CYP2C19: variants seen among roughly 807,000 people sequenced by gnomAD.
CYP2C19 encodes the protein cytochrome P450 2C19.
In CYP2C19, 59 loss-of-function variants were observed where a neutral mutation model predicts 40.9. The ratio of observed to expected loss-of-function variants is 1.44; its 90% CI spans 1.17 to 1.79. The LOEUF is 1.79. Ranked by LOEUF, CYP2C19 falls within the 40% of genes most tolerant of loss-of-function variation. The probability of loss-of-function intolerance (pLI) is 0.00; values close to 1 mark genes in which losing one functional copy is unlikely to be tolerated. For missense variants in CYP2C19, 754 were observed against 596.9 expected (o/e 1.26, Z -2.74); for synonymous variants, 253 against 208.7 (o/e 1.21, Z -1.83).
intron 5 of CYP2C19, among the ~76,000 whole-genome samples, chr10:94,812,095 G>T (rs994862660): frequency 6.6e-6 from 1 of 152,258 alleles, no homozygotes; most frequent in East Asian, 1.9e-4. Context: ...CTCAGCATTT[G>T]CTTGTCTGTA....
At position 94,764,676 on chromosome 10, in the gene CYP2C19, G is replaced by T. The variant is rs191918906; in HGVS notation, c.168+1803G>T. On this transcript the variant is annotated intron_variant, in intron 1 of 8. Coordinates refer to ENST00000371321, the MANE Select transcript of CYP2C19 (RefSeq NM_000769.4). ...TTTAGGCCAGTGAAAGGGCCAGTGG[G>T]TCAGTCCAGGTGTCCTTGGAAGGAG... Among the ~76,000 whole-genome samples, 472 of 152,238 alleles carry T rather than the reference G, an allele frequency of 3.1e-3. 2 individuals are homozygous for T. Among genetic ancestry groups the T allele is most frequent in the South Asian group, 0.012 (60 of 4,830 alleles).
intron 7 of CYP2C19, among the ~76,000 whole-genome samples, chr10:94,844,572 T>C (rs938179465): frequency 3.9e-5 from 6 of 152,222 alleles, no homozygotes; most frequent in Non-Finnish European, 7.3e-5. Context: ...AAATTAAAAA[T>C]AATATAACCT....
chr10:94,810,288 T>C (rs1360396009), intron 5 of CYP2C19, among the ~76,000 whole-genome samples: 5 of 152,196 alleles, frequency 3.3e-5, no homozygotes, highest in Admixed American at 2.6e-4. Context: ...AGTTTGCCAG[T>C]ATTTTGTTGA....
chr10:94,805,724 C>A (rs1236660758), intron 5 of CYP2C19, among the ~76,000 whole-genome samples: 2 of 152,084 alleles, frequency 1.3e-5, no homozygotes, highest in Non-Finnish European at 2.9e-5. Flanking sequence ...TCTCTACCAA[C>A]AAAGCAGTCA....
chr10:94,767,099 A>G (rs1317958879), intron 1 of CYP2C19, among the ~76,000 whole-genome samples: 1 of 152,178 alleles, frequency 6.6e-6, no homozygotes, highest in African/African-American at 2.4e-5. Context: ...AAGGCCATCC[A>G]TACAGCATTT....
intron 5 of CYP2C19, among the ~76,000 whole-genome samples, chr10:94,815,229 G>C (rs1416693986): frequency 6.6e-6 from 1 of 151,856 alleles, no homozygotes; most frequent in Admixed American, 6.6e-5. Context: ...AAAACTGTGT[G>C]AAGCTGATGT....
intron 1 of CYP2C19, chr10:94,774,512 C>G (rs757160135): frequency 6.3e-6 from 1 of 158,758 alleles, no homozygotes; most frequent in African/African-American, 2.4e-5. Flanking sequence ...CAATCGGGAC[C>G]TCTACATGGG....
rs139893634 is a variant in CYP2C19 at position 94,796,894 on chromosome 10, G to C, written c.819+14897G>C. On this transcript the variant is annotated intron_variant, in intron 5 of 8. Transcript: ENST00000371321. The stretch of plus-strand genomic sequence containing the variant: ...TATCAGCTTAAGGAGATTTTGGGCT[G>C]TGACAATGTGGTTTTCTAGTTACAC... Among the ~76,000 whole-genome samples the C allele has an allele frequency of 3.1e-3, 473 of 152,268 alleles. 3 individuals are homozygous for C. Among genetic ancestry groups the C allele is most frequent in the African/African-American group, 0.011 (450 of 41,566 alleles).
At chr10:94,826,286 A>G (rs992149260) in intron 6 of CYP2C19, among the ~76,000 whole-genome samples, 1 of 152,126 alleles carries the variant, frequency 6.6e-6, no homozygotes, top group Non-Finnish European at 1.5e-5. Context: ...CTTCCGACCC[A>G]TGAGCATGGA....
At chr10:94,824,703 T>G (rs1030488127) in intron 6 of CYP2C19, among the ~76,000 whole-genome samples, 1 of 152,164 alleles carries the variant, frequency 6.6e-6, no homozygotes, top group East Asian at 1.9e-4. Flanking sequence ...ATGTGCACAT[T>G]GTGCAGGTTA....
chr10:94,800,265 A>G (rs776551658), intron 5 of CYP2C19, among the ~76,000 whole-genome samples: 1 of 152,190 alleles, frequency 6.6e-6, no homozygotes, highest in Admixed American at 6.5e-5. Flanking sequence ...CATGTCCCTC[A>G]GCTGCAGGTC....
intron 1 of CYP2C19, 85 bp from the exon 2 acceptor site, chr10:94,774,973 A>G: frequency 7.1e-7 from 1 of 1,406,642 alleles, no homozygotes; most frequent in Admixed American, 1.9e-5. Context: ...GCATACAAAT[A>G]CAATGAAAAT....
intron 5 of CYP2C19, among the ~76,000 whole-genome samples, chr10:94,808,345 C>A (rs968744838): frequency 6.6e-6 from 1 of 151,988 alleles, no homozygotes; most frequent in Non-Finnish European, 1.5e-5. Flanking sequence ...TACATGAGAT[C>A]TTTTGATATA....
chr10:94,780,444 A>C, intron 3 of CYP2C19, 55 bp from the exon 4 acceptor site: 1 of 1,593,524 alleles, frequency 6.3e-7, no homozygotes, highest in East Asian at 2.2e-5. Context: ...AACAAATATG[A>C]AGTGTTTTAT....
chr10:94,827,455 T>C (rs1270824301), intron 6 of CYP2C19, among the ~76,000 whole-genome samples: 2 of 151,934 alleles, frequency 1.3e-5, no homozygotes. Flanking sequence ...TGCATAGAGG[T>C]GTTTGTAGTA....
intron 5 of CYP2C19, among the ~76,000 whole-genome samples, chr10:94,797,711 A>G (rs1564668253): frequency 6.6e-6 from 1 of 152,006 alleles, no homozygotes; most frequent in Non-Finnish European, 1.5e-5. Flanking sequence ...TTCCTGGTTT[A>G]GTCTTGGGAG....
chr10:94,770,644 C>A lies in CYP2C19; in HGVS notation c.169-4414C>A, dbSNP rs116264355. 4.7e-3 allele frequency among the ~76,000 whole-genome samples: 711 copies of A among 152,254 alleles called. 3 individuals carry two copies. The highest frequency in any genetic ancestry group is 0.017 in the African/African-American group (688 of 41,554). On this transcript the variant is annotated intron_variant, in intron 1 of 8. Transcript: ENST00000371321. Reference sequence around the variant, plus strand: ...AAACTTATCTTTTAGGATCAATTGACCTTCTAGTCAGTTGGGTGACAGGGG... The same window carrying A: ...AAACTTATCTTTTAGGATCAATTGAACTTCTAGTCAGTTGGGTGACAGGGG...
At chr10:94,846,734 A>G (rs954520581) in intron 7 of CYP2C19, among the ~76,000 whole-genome samples, 1 of 151,958 alleles carries the variant, frequency 6.6e-6, no homozygotes, top group South Asian at 2.1e-4. Flanking sequence ...CATGTGCACA[A>G]TGTGCAGGTT....
At chr10:94,816,603 G>A (rs1849006890) in intron 5 of CYP2C19, among the ~76,000 whole-genome samples, 2 of 149,766 alleles carry the variant, frequency 1.3e-5, no homozygotes, top group African/African-American at 4.9e-5. Context: ...TATACTTTAA[G>A]TTTTAGGGTA....
Sources: gnomAD v4.1 joint callset for allele counts (sites outside exome capture counted in the v4.1 genomes callset) on GRCh38, gnomAD v4.1.1 for gene constraint, MANE v1.5 for transcripts, NCBI Gene and HGNC (gene_info 2026-07-23, HGNC 2026-07-21) for gene names.